BNC2: variants seen among roughly 807,000 people sequenced by gnomAD.
BNC2 encodes the protein zinc finger protein basonuclin-2.
In BNC2, 20 loss-of-function variants were observed where a neutral mutation model predicts 76.3. That is an observed-to-expected ratio of 0.26 (90% CI 0.18 to 0.38). BNC2 has a LOEUF of 0.38. BNC2 is among the 10% of genes least tolerant of loss of function. BNC2 has a pLI of 1.00. For missense variants in BNC2, 1,382 were observed against 1,399.8 expected (o/e 0.99, Z 0.20); for synonymous variants, 582 against 514.8 (o/e 1.13, Z -1.77).
intron 1 of BNC2, among the ~76,000 whole-genome samples, chr9:16,798,675 AT>A (rs1417966490): frequency 6.6e-6 from 1 of 152,144 alleles, no homozygotes; most frequent in Non-Finnish European, 1.5e-5. Context: ...AGGCAGGTAA[AT>A]TTTTCATTCT....
intron 3 of BNC2, among the ~76,000 whole-genome samples, chr9:16,707,202 C>G (rs1455775739): frequency 6.6e-6 from 1 of 151,126 alleles, no homozygotes; most frequent in Non-Finnish European, 1.5e-5. Context: ...ACTCCGCCCC[C>G]CCGCCAAAAA....
intron 3 of BNC2, among the ~76,000 whole-genome samples, chr9:16,599,705 AC>A (rs1205233962): frequency 6.6e-6 from 1 of 152,064 alleles, no homozygotes; most frequent in African/African-American, 2.4e-5. Context: ...AATCACTTGA[AC>A]CCGGAGGCAG....
chr9:16,742,205 G>A (rs916777444), intron 1 of BNC2, among the ~76,000 whole-genome samples: 2 of 152,124 alleles, frequency 1.3e-5, no homozygotes, highest in African/African-American at 4.8e-5. Flanking sequence ...ATTCCCCAAA[G>A]CCAACAAAAA....
chr9:16,765,442 A>G (rs531486734), intron 1 of BNC2, among the ~76,000 whole-genome samples: 1 of 152,328 alleles, frequency 6.6e-6, no homozygotes, highest in African/African-American at 2.4e-5. Context: ...AATATTACTC[A>G]ATATTATTAA....
chr9:16,457,273 C>A (rs1927639), intron 5 of BNC2, among the ~76,000 whole-genome samples: 1 of 151,876 alleles, frequency 6.6e-6, no homozygotes, highest in African/African-American at 2.4e-5. Flanking sequence ...TGACTTTTCT[C>A]CTCATATGGA....
chr9:16,508,281 C>T (rs905783627), intron 5 of BNC2, among the ~76,000 whole-genome samples: 1 of 152,196 alleles, frequency 6.6e-6, no homozygotes. Context: ...ACTTGATCAT[C>T]GCGGACATTT....
chr9:16,578,894 G>A (rs1338995828), intron 4 of BNC2, among the ~76,000 whole-genome samples: 2 of 152,142 alleles, frequency 1.3e-5, no homozygotes, highest in Admixed American at 6.5e-5. Context: ...GTAAACTGGA[G>A]TCCTTTTACA....
chr9:16,538,007 T>C (rs1372462773), intron 5 of BNC2, among the ~76,000 whole-genome samples: 4 of 152,184 alleles, frequency 2.6e-5, no homozygotes, highest in Non-Finnish European at 2.9e-5. Context: ...TGAAAAACAT[T>C]TATGAAGAAG....
chr9:16,759,136 G>A lies in BNC2; in HGVS notation c.4-20651C>T, dbSNP rs906785608. Among the ~76,000 whole-genome samples, 8 of 152,112 alleles carry A rather than the reference G, an allele frequency of 5.3e-5. No homozygotes were observed. The East Asian group carries it at 1.3e-3, about 26-fold the overall frequency. On this transcript the variant is annotated intron_variant, in intron 1 of 6. Coordinates refer to ENST00000380672, the MANE Select transcript of BNC2 (RefSeq NM_017637.6). ...ACCAACGTACAGAAATGGATTACAA[G>A]TTACTACTCCAACAGCTGGCTATAA... is the stretch of plus-strand genomic sequence containing the variant.
At chr9:16,822,592 C>T (rs1355186319) in intron 1 of BNC2, among the ~76,000 whole-genome samples, 2 of 152,132 alleles carry the variant, frequency 1.3e-5, no homozygotes, top group African/African-American at 4.8e-5. Context: ...CTGCCTGAAG[C>T]TTATTGAAGG....
intron 3 of BNC2, among the ~76,000 whole-genome samples, chr9:16,720,705 C>A (rs1005691623): frequency 6.6e-6 from 1 of 151,800 alleles, no homozygotes; most frequent in Non-Finnish European, 1.5e-5. Flanking sequence ...TTTTTTTAAT[C>A]GGAATGATGA....
chr9:16,670,417 T>G (rs1200324308), intron 3 of BNC2, among the ~76,000 whole-genome samples: 1 of 152,178 alleles, frequency 6.6e-6, no homozygotes, highest in Non-Finnish European at 1.5e-5. Flanking sequence ...TGGGCTCAAG[T>G]CATCTTCCCA....
At chr9:16,574,237 C>A (rs1819419944) in intron 4 of BNC2, among the ~76,000 whole-genome samples, 1 of 151,990 alleles carries the variant, frequency 6.6e-6, no homozygotes, top group South Asian at 2.1e-4. Context: ...GGATCGTTAG[C>A]AAGATATAAA....
chr9:16,806,479 A>G (rs1342306082), intron 1 of BNC2, among the ~76,000 whole-genome samples: 2 of 152,248 alleles, frequency 1.3e-5, no homozygotes, highest in Non-Finnish European at 2.9e-5. Context: ...GAATTTAAGC[A>G]AAGTTTAGCT....
intron 5 of BNC2, among the ~76,000 whole-genome samples, chr9:16,538,985 A>C (rs1242852437): frequency 6.6e-6 from 1 of 152,086 alleles, no homozygotes; most frequent in African/African-American, 2.4e-5. Flanking sequence ...CTTCCACTAA[A>C]CTGAAAGCTG....
At chr9:16,532,333 C>T (rs1219076325) in intron 5 of BNC2, among the ~76,000 whole-genome samples, 1 of 151,842 alleles carries the variant, frequency 6.6e-6, no homozygotes, top group Non-Finnish European at 1.5e-5. Flanking sequence ...GTATTTTGCT[C>T]TCATTCAAGG....
chr9:16,721,345 T>G (rs1338523284), intron 3 of BNC2, among the ~76,000 whole-genome samples: 3 of 152,192 alleles, frequency 2.0e-5, no homozygotes, highest in Non-Finnish European at 4.4e-5. Flanking sequence ...AGCTTAAAAA[T>G]AGATGTCAGT....
At chr9:16,612,696 A>G (rs1238280188) in intron 3 of BNC2, among the ~76,000 whole-genome samples, 4 of 152,202 alleles carry the variant, frequency 2.6e-5, no homozygotes, top group Admixed American at 2.6e-4. Flanking sequence ...ACTATACTAT[A>G]AAGTGGAATG....
intron 3 of BNC2, among the ~76,000 whole-genome samples, chr9:16,607,446 C>T (rs1030709833): frequency 7.2e-5 from 11 of 152,072 alleles, no homozygotes; most frequent in Non-Finnish European, 8.8e-5. Flanking sequence ...ACTCAGTGGT[C>T]CTTTAGGCAG....
Sources: allele counts gnomAD v4.1 joint callset (sites outside exome capture counted in the v4.1 genomes callset), GRCh38; gene constraint gnomAD v4.1.1; transcripts MANE v1.5; gene names NCBI Gene and HGNC (gene_info 2026-07-23, HGNC 2026-07-21).